LRP8: variants seen among roughly 807,000 people sequenced by gnomAD.
The protein encoded by LRP8 is low-density lipoprotein receptor-related protein 8.
Under a neutral mutation model 111.6 loss-of-function variants are expected in LRP8, and 46 were observed. That is an observed-to-expected ratio of 0.41 (90% CI 0.33 to 0.53). LRP8 has a LOEUF of 0.53. Ranked by LOEUF, LRP8 falls within the 20% of genes least tolerant of loss-of-function variation. The pLI, the probability that LRP8 is intolerant of heterozygous loss-of-function variation, is 0.20. For missense variants in LRP8, 959 were observed against 1,297.4 expected (o/e 0.74, Z 4.01); for synonymous variants, 464 against 511.2 (o/e 0.91, Z 1.24).
chr1:53,309,354 T>G (rs1225483068), intron 2 of LRP8, among the ~76,000 whole-genome samples: 3 of 152,178 alleles, frequency 2.0e-5, no homozygotes, highest in Non-Finnish European at 4.4e-5. Context: ...TAAGCGTCAT[T>G]GATGATAGTG....
Position 53,327,872 on chromosome 1 carries a change from AGCG to A in LRP8, c.38_40del (p.Ala13_Leu14delinsVal). Reference sequence around the variant, plus strand: ...CAGCAGCAGCAGCAGCAGCAGCAGCAGCGCCAGAAGCCGGAGAGGGCCCGGCTC... The same window carrying A: ...CAGCAGCAGCAGCAGCAGCAGCAGCACCAGAAGCCGGAGAGGGCCCGGCTC... On this transcript the variant is annotated inframe_deletion, in exon 1 of 19. Coordinates refer to ENST00000306052, the MANE Select transcript of LRP8 (RefSeq NM_004631.5). 6.7e-7 allele frequency: 1 copy of A among 1,500,160 alleles called. No individual in the cohort carries two copies. The highest frequency in any genetic ancestry group is 8.9e-7 in the Non-Finnish European group (1 of 1,129,660). 92.9% of individuals were successfully genotyped at this position (1,500,160 alleles called of 1,614,324 possible).
At chr1:53,276,652 C>A in intron 5 of LRP8, 40 bp downstream of exon 5, 2 of 1,451,756 alleles carry the variant, frequency 1.4e-6, no homozygotes, top group South Asian at 1.2e-5. Context: ...AGCGGATCCG[C>A]AATCCCTGGG....
intron 2 of LRP8, among the ~76,000 whole-genome samples, chr1:53,315,252 T>C (rs76227391): frequency 0.045 from 6,735 of 150,850 alleles, 492 homozygotes; most frequent in African/African-American, 0.15. Context: ...GATAAAGGAG[T>C]CTTTCTGGGG....
Position 53,328,016 on chromosome 1 carries a change from C to G in LRP8, c.-104G>C, listed in dbSNP as rs1655414727. 6.5e-6 allele frequency: 4 copies of G among 611,196 alleles called. No homozygotes were observed. Among genetic ancestry groups the G allele is most frequent in the African/African-American group, 2.0e-5 (1 of 50,012 alleles). The allele number at this position is 611,196 out of a possible 1,614,324, so 37.9% of individuals were successfully genotyped here. A position where few individuals can be genotyped will look rare whatever the true frequency, so the allele number is the denominator to read the frequency against. On this transcript the variant is annotated 5_prime_UTR_variant, in exon 1 of 19. Transcript: ENST00000306052. ...CCGCGGCGCCGGGGTTGCCGCTGCCCCCGCCGCCGCCGCCGCCGCCGCTGC... is the reference window on the plus strand; with the variant it reads ...CCGCGGCGCCGGGGTTGCCGCTGCCGCCGCCGCCGCCGCCGCCGCCGCTGC...
Position 53,317,500 on chromosome 1 carries a change from A to C in LRP8, c.244+9373T>G, listed in dbSNP as rs867890251. 1.3e-5 allele frequency among the ~76,000 whole-genome samples: 2 copies of C among 152,162 alleles called. No individual in the cohort carries two copies. The highest frequency in any genetic ancestry group is 4.8e-5 in the African/African-American group (2 of 41,418). Reference sequence around the variant, plus strand: ...GGAGCTGCTGTTCTCTCAGGCAGCCAAGTCCTCCCAACTGGCCAGTTGACC... The same window carrying C: ...GGAGCTGCTGTTCTCTCAGGCAGCCCAGTCCTCCCAACTGGCCAGTTGACC... On this transcript the variant is annotated intron_variant, in intron 2 of 18. Coordinates refer to ENST00000306052, the MANE Select transcript of LRP8 (RefSeq NM_004631.5). The surrounding 1 kb of genome is among the most constrained non-coding windows in gnomAD (Gnocchi z 4.9).
intron 6 of LRP8, 89 bp from the exon 7 acceptor site, chr1:53,271,435 T>A: frequency 6.7e-7 from 1 of 1,486,382 alleles, no homozygotes; most frequent in Non-Finnish European, 9.3e-7. Context: ...AAGCAGAGCC[T>A]CAGGGCAGTG....
chr1:53,265,934 CT>C (rs1184998272), intron 9 of LRP8, among the ~76,000 whole-genome samples: 1 of 152,256 alleles, frequency 6.6e-6, no homozygotes, highest in Non-Finnish European at 1.5e-5. Flanking sequence ...ACCAGGTCCA[CT>C]GACTGTGGCG....
chr1:53,317,593 T>C lies in LRP8; in HGVS notation c.244+9280A>G. On this transcript the variant is annotated intron_variant, in intron 2 of 18. Transcript: ENST00000306052. The surrounding 1 kb of genome is among the most constrained non-coding windows in gnomAD (Gnocchi z 4.9). ...GTCCTTGGTGGAGGAGGAGGAAAGC[T>C]GAGGACGGTTCCTTTTACTCAGCCA... Among the ~76,000 whole-genome samples the C allele has an allele frequency of 6.6e-6, 1 of 152,182 alleles. No homozygotes were observed. Among genetic ancestry groups the C allele is most frequent in the East Asian group, 1.9e-4 (1 of 5,202 alleles).
At position 53,275,486 on chromosome 1, in the gene LRP8, A is replaced by G; in HGVS notation, c.1006+145T>C. ...ACTAGGACCCCATGGAAAGGGAGCC[A>G]GGTGATTTAGGGGCAAGTGATGCTC... On this transcript the variant is annotated intron_variant, in intron 6 of 18. Coordinates refer to ENST00000306052, the MANE Select transcript of LRP8 (RefSeq NM_004631.5). The surrounding 1 kb of genome is among the most constrained non-coding windows in gnomAD (Gnocchi z 4.4). 1.9e-6 allele frequency: 2 copies of G among 1,066,094 alleles called. No individual in the cohort carries two copies. Among genetic ancestry groups the G allele is most frequent in the Middle Eastern group, 2.1e-4 (1 of 4,730 alleles). The allele number at this position is 1,066,094 out of a possible 1,614,324, so 66.0% of individuals were successfully genotyped here.
At chr1:53,271,848 G>C (rs1646770164) in intron 6 of LRP8, among the ~76,000 whole-genome samples, 2 of 152,004 alleles carry the variant, frequency 1.3e-5, no homozygotes, top group African/African-American at 4.8e-5. Flanking sequence ...TGGCTCCACT[G>C]TGGACCAGCA....
intron 2 of LRP8, among the ~76,000 whole-genome samples, chr1:53,298,802 T>C (rs1650249129): frequency 6.6e-6 from 1 of 152,210 alleles, no homozygotes; most frequent in South Asian, 2.1e-4. Context: ...CAGGCTGACC[T>C]TGGAGCTTGC....
intron 2 of LRP8, 92 bp downstream of exon 2, chr1:53,326,781 C>G: frequency 6.7e-7 from 1 of 1,503,484 alleles, no homozygotes; most frequent in African/African-American, 1.4e-5. Context: ...CAGGTGGCAG[C>G]GCGGCGGCTG....
chr1:53,283,618 G>C (rs1647198184), intron 3 of LRP8, among the ~76,000 whole-genome samples: 1 of 20,174 alleles, frequency 5.0e-5, no homozygotes. Context: ...CTACATACCC[G>C]GGCCACTTAC....
chr1:53,266,898 G>A lies in LRP8; in HGVS notation c.1253-251C>T. On this transcript the variant is annotated intron_variant, in intron 8 of 18. Coordinates refer to ENST00000306052, the MANE Select transcript of LRP8 (RefSeq NM_004631.5). This position sits in a 1 kb window ranked among gnomAD's most constrained non-coding sequence, Gnocchi z 5.0. ...ACAAACTTCTCCAAAATCTTTTATG[G>A]CTCCCCATTTTCTCCTTAGGCCTGC... 1 of 446,308 alleles carries A rather than the reference G, an allele frequency of 2.2e-6. No individual in the cohort carries two copies. The highest frequency in any genetic ancestry group is 2.7e-5 in the South Asian group (1 of 36,728). The allele number at this position is 446,308 out of a possible 1,614,324, so 27.6% of individuals were successfully genotyped here. A position where few individuals can be genotyped will look rare whatever the true frequency, so the allele number is the denominator to read the frequency against.
At chr1:53,311,776 G>A (rs1055194437) in intron 2 of LRP8, among the ~76,000 whole-genome samples, 1 of 152,166 alleles carries the variant, frequency 6.6e-6, no homozygotes, top group Non-Finnish European at 1.5e-5. Context: ...CACACGCCAC[G>A]GCCACAGCCC....
intron 8 of LRP8, among the ~76,000 whole-genome samples, chr1:53,270,507 A>G (rs1231438506): frequency 6.6e-6 from 1 of 152,232 alleles, no homozygotes. Context: ...CTGGGCATGC[A>G]CACAAGCTAA....
Position 53,293,567 on chromosome 1 carries a change from G to C in LRP8, c.245-3878C>G, listed in dbSNP as rs1442700649. Among the ~76,000 whole-genome samples the C allele has an allele frequency of 6.6e-6, 1 of 152,190 alleles. No homozygotes were observed. Among genetic ancestry groups the C allele is most frequent in the Non-Finnish European group, 1.5e-5 (1 of 68,034 alleles). Reference sequence around the variant, plus strand: ...CTGTGTGTGGCAGCTGCCAAAGCTTGATCTCTTTCCACTCAGACCCTCAGC... The same window carrying C: ...CTGTGTGTGGCAGCTGCCAAAGCTTCATCTCTTTCCACTCAGACCCTCAGC... On this transcript the variant is annotated intron_variant, in intron 2 of 18. Transcript: ENST00000306052. The surrounding 1 kb of genome is among the most constrained non-coding windows in gnomAD (Gnocchi z 4.9).
rs562876500 is a variant in LRP8 at position 53,265,185 on chromosome 1, C to T, written c.1428-789G>A. Among the ~76,000 whole-genome samples the T allele has an allele frequency of 1.6e-4, 25 of 152,272 alleles. No individual in the cohort carries two copies. The South Asian group carries it at 3.1e-3, about 19-fold the overall frequency. On this transcript the variant is annotated intron_variant, in intron 9 of 18. Coordinates refer to ENST00000306052, the MANE Select transcript of LRP8 (RefSeq NM_004631.5). Reference sequence around the variant, plus strand: ...GTAGACACTCAGGAGGCAACATTAGCAAAATAGCAAATGCTGTTTCCCCAG... The same window carrying T: ...GTAGACACTCAGGAGGCAACATTAGTAAAATAGCAAATGCTGTTTCCCCAG...
At position 53,249,411 on chromosome 1, in the gene LRP8, G is replaced by C. The variant is rs1197404264; in HGVS notation, c.2822C>G (p.Pro941Arg). The change falls in exon 18 of 19, where the codon CCT becomes CGT. Residue 941 changes from proline (P) to arginine (R), a missense_variant. Pro to Arg is a moderately radical substitution (Grantham distance 103). This residue lies in a region of LRP8 where 819 missense variants were observed against 1,097.6 expected (regional missense o/e 0.75). Transcript: ENST00000306052. The surrounding 1 kb of genome is among the most constrained non-coding windows in gnomAD (Gnocchi z 4.1). Reference sequence around the variant, plus strand: ...TTTGACGACAGGCAGCTCGGAAAGAGGGTTCTTCGGGAGTTGGTGCAGCTG... The same window carrying C: ...TTTGACGACAGGCAGCTCGGAAAGACGGTTCTTCGGGAGTTGGTGCAGCTG... ...RSQLHQLPKN[P>R]LSELPVVKSK... The C allele has an allele frequency of 6.2e-7, 1 of 1,614,114 alleles. No homozygotes were observed. The highest frequency in any genetic ancestry group is 8.5e-7 in the Non-Finnish European group (1 of 1,180,044).
Sources: allele counts gnomAD v4.1 joint callset (sites outside exome capture counted in the v4.1 genomes callset), GRCh38; gene constraint gnomAD v4.1.1; regional missense constraint gnomAD v4.1.1; non-coding constraint Gnocchi (gnomAD v3.1); transcripts MANE v1.5; gene names NCBI Gene and HGNC (gene_info 2026-07-23, HGNC 2026-07-21).